Variants in COL5A2 observed in about 807,000 individuals in gnomAD.
The protein encoded by COL5A2 is collagen alpha-2(V) chain.
Under a neutral mutation model 208.2 loss-of-function variants are expected in COL5A2, and 23 were observed. The ratio of observed to expected loss-of-function variants is 0.11; its 90% CI spans 0.08 to 0.16. The LOEUF (loss-of-function observed/expected upper bound fraction) is 0.16. COL5A2 is among the 10% of genes least tolerant of loss of function. The pLI, the probability that COL5A2 is intolerant of heterozygous loss-of-function variation, is 1.00. For missense variants in COL5A2, 1,590 were observed against 1,956.4 expected (o/e 0.81, Z 3.53); for synonymous variants, 625 against 628.5 (o/e 0.99, Z 0.08).
intron 6 of COL5A2, among the ~76,000 whole-genome samples, chr2:189,094,588 G>GTCACACACACACACACACACAC (rs1686861937): frequency 8.6e-5 from 1 of 11,658 alleles, no homozygotes; most frequent in Admixed American, 1.3e-3. Flanking sequence ...CTTTCTCTCT[G>GTCACACACACACACACACACAC]ACACACACAC....
chr2:189,391,447 G>A, the COL5A2 span, among the ~76,000 whole-genome samples: 1 of 152,140 alleles, frequency 6.6e-6, no homozygotes. Flanking sequence ...AATGTTGATT[G>A]CTTTGGATCA....
At chr2:189,168,263 C>T (rs1576570173) in intron 1 of COL5A2, among the ~76,000 whole-genome samples, 1 of 141,512 alleles carries the variant, frequency 7.1e-6, no homozygotes, top group Non-Finnish European at 1.5e-5. Flanking sequence ...TTAATTCTTA[C>T]AACAGAATCT....
intron 1 of COL5A2, among the ~76,000 whole-genome samples, chr2:189,113,735 T>C (rs1315361520): frequency 6.7e-6 from 1 of 149,588 alleles, no homozygotes; most frequent in East Asian, 1.9e-4. Context: ...AATATGTTAT[T>C]ATTGGATATA....
At chr2:189,260,327 G>A in the COL5A2 span, among the ~76,000 whole-genome samples, 2 of 152,194 alleles carry the variant, frequency 1.3e-5, no homozygotes, top group Non-Finnish European at 2.9e-5. Context: ...TACAGTGCCT[G>A]CAAATGCCAA....
At chr2:189,197,416 AT>A (rs1689018418) in intron 1 of COL5A2, among the ~76,000 whole-genome samples, 1 of 152,180 alleles carries the variant, frequency 6.6e-6, no homozygotes, top group African/African-American at 2.4e-5. Flanking sequence ...AAACCTACAC[AT>A]TCTGTACTTG....
the COL5A2 span, among the ~76,000 whole-genome samples, chr2:189,251,109 T>C: frequency 6.6e-6 from 1 of 151,708 alleles, no homozygotes; most frequent in Admixed American, 6.6e-5. Context: ...GAAACAGCAC[T>C]CAAATTGATG....
chr2:189,415,826 A>AT, the COL5A2 span, among the ~76,000 whole-genome samples: 3 of 151,646 alleles, frequency 2.0e-5, no homozygotes, highest in African/African-American at 4.8e-5. Flanking sequence ...CACCCAGCTA[A>AT]TTTTTTTGTA....
the COL5A2 span, among the ~76,000 whole-genome samples, chr2:189,293,712 C>G: frequency 1.4e-4 from 21 of 152,184 alleles, no homozygotes; most frequent in South Asian, 8.3e-4. Context: ...CCAGTCCTCA[C>G]CAGACACTGA....
the COL5A2 span, among the ~76,000 whole-genome samples, chr2:189,256,957 T>A: frequency 1.6e-3 from 250 of 152,336 alleles, 1 homozygote; most frequent in African/African-American, 5.6e-3. Context: ...ACCTGCATAG[T>A]ATTCCCTTTT....
chr2:189,082,940 T>C (rs890012142), intron 12 of COL5A2, among the ~76,000 whole-genome samples: 1 of 152,186 alleles, frequency 6.6e-6, no homozygotes, highest in East Asian at 1.9e-4. Flanking sequence ...GGGAAATTGG[T>C]TTATATTTGC....
intron 6 of COL5A2, among the ~76,000 whole-genome samples, chr2:189,095,415 C>T (rs1455906989): frequency 2.0e-5 from 3 of 152,056 alleles, no homozygotes; most frequent in Non-Finnish European, 4.4e-5. Flanking sequence ...AACAGATTTC[C>T]TACTTGGATA....
At chr2:189,154,868 C>G (rs1049399831) in intron 1 of COL5A2, among the ~76,000 whole-genome samples, 2 of 151,866 alleles carry the variant, frequency 1.3e-5, no homozygotes, top group African/African-American at 4.8e-5. Context: ...GCATAAAACT[C>G]GAAATAAAAT....
rs201299651 is a variant in COL5A2, at chr2:189,085,131, T to C, written c.798+29A>G. On this transcript the variant is annotated intron_variant, in intron 11 of 53. Transcript: ENST00000374866. Reference sequence around the variant, plus strand: ...TTAACCCCTTCGCCTCTTCAAAACCTGAATGGAAAATGAGGAAAGGTAGCT... The same window carrying C: ...TTAACCCCTTCGCCTCTTCAAAACCCGAATGGAAAATGAGGAAAGGTAGCT... 4.8e-5 allele frequency: 77 copies of C among 1,601,366 alleles called. No homozygotes were observed. The African/African-American group carries it at 1.0e-3, about 21-fold the overall frequency.
At chr2:189,343,840 A>C in the COL5A2 span, among the ~76,000 whole-genome samples, 1 of 152,198 alleles carries the variant, frequency 6.6e-6, no homozygotes, top group African/African-American at 2.4e-5. Context: ...TTATAGTTTT[A>C]TAACCTTCTG....
the COL5A2 span, among the ~76,000 whole-genome samples, chr2:189,366,061 C>T: frequency 6.6e-6 from 1 of 152,170 alleles, no homozygotes; most frequent in Admixed American, 6.5e-5. Flanking sequence ...TCATTACAGC[C>T]TTACATGAGT....
At chr2:189,139,669 G>A (rs753020960) in intron 1 of COL5A2, among the ~76,000 whole-genome samples, 1 of 152,198 alleles carries the variant, frequency 6.6e-6, no homozygotes, top group Non-Finnish European at 1.5e-5. Context: ...GTGAATGTAA[G>A]ATGTTAAGAA....
At chr2:189,373,363 T>C in the COL5A2 span, among the ~76,000 whole-genome samples, 1 of 152,148 alleles carries the variant, frequency 6.6e-6, no homozygotes, top group South Asian at 2.1e-4. Flanking sequence ...ACTAGGGTAA[T>C]TTTTAGAGTT....
chr2:189,354,604 TCTGTGAAATTGGTGGTGATAGC>T, the COL5A2 span, among the ~76,000 whole-genome samples: 4 of 152,336 alleles, frequency 2.6e-5, no homozygotes, highest in South Asian at 8.3e-4. Flanking sequence ...AGTTTGTATT[TCTGTGAAATTGGTGGTGATAGC>T]CCCTTTATCA....
At chr2:189,079,464 C>T (rs1686485369) in intron 14 of COL5A2, among the ~76,000 whole-genome samples, 1 of 152,016 alleles carries the variant, frequency 6.6e-6, no homozygotes, top group South Asian at 2.1e-4. Context: ...TTCTAGGAGA[C>T]TTAGAAATAA....
Sources: gnomAD v4.1 joint callset for allele counts (sites outside exome capture counted in the v4.1 genomes callset) on GRCh38, gnomAD v4.1.1 for gene constraint, MANE v1.5 for transcripts, NCBI Gene and HGNC (gene_info 2026-07-23, HGNC 2026-07-21) for gene names.